The following GPC6 variants were observed in gnomAD, a reference collection of about 807,000 sequenced individuals.
GPC6 encodes glypican-6.
GPC6 carries 14 observed loss-of-function variants against 55.2 expected under a neutral mutation model. The observed-to-expected ratio is 0.25, with a 90% CI of 0.17 to 0.40. GPC6 has a LOEUF of 0.40. Ranked by LOEUF, GPC6 falls within the 10% of genes least tolerant of loss-of-function variation. The pLI is 1.00. For synonymous variants in GPC6, 278 were observed against 259.6 expected, an observed-to-expected ratio of 1.07 and a Z score of -0.68; for missense variants, 641 against 708.5, an observed-to-expected ratio of 0.90 and a Z score of 1.08.
intron 2 of GPC6, among the ~76,000 whole-genome samples, chr13:93,757,864 T>C (rs916880769): frequency 1.3e-5 from 2 of 152,140 alleles, no homozygotes; most frequent in Non-Finnish European, 2.9e-5. Context: ...ATGTGCACCT[T>C]ATATAGGAAA....
rs1881250804 is a variant in GPC6 at position 94,403,672 on chromosome 13, T to C, written c.*455T>C. 4.5e-6 allele frequency: 1 copy of C among 219,922 alleles called. No individual in the cohort carries two copies. The highest frequency in any genetic ancestry group is 2.3e-5 in the African/African-American group (1 of 43,026). The allele number at this position is 219,922 out of a possible 1,614,324, so 13.6% of individuals were successfully genotyped here. ...GAGAAAAATAAATGAACTTTAACACTGTAAGTTCAGCATTGACAGCCAACT... is the reference window on the plus strand; with the variant it reads ...GAGAAAAATAAATGAACTTTAACACCGTAAGTTCAGCATTGACAGCCAACT... On this transcript the variant is annotated 3_prime_UTR_variant, in exon 9 of 9. Coordinates refer to ENST00000377047, the MANE Select transcript of GPC6 (RefSeq NM_005708.5).
intron 6 of GPC6, among the ~76,000 whole-genome samples, chr13:94,314,469 T>G (rs1212459311): frequency 6.6e-6 from 1 of 152,234 alleles, no homozygotes; most frequent in African/African-American, 2.4e-5. Context: ...AAAGTCCATC[T>G]GCGCACTCGT....
intron 4 of GPC6, among the ~76,000 whole-genome samples, chr13:94,067,091 T>G (rs933099243): frequency 6.6e-6 from 1 of 152,214 alleles, no homozygotes; most frequent in Non-Finnish European, 1.5e-5. Context: ...TCACTAGACC[T>G]TCTTTGCGAC....
intron 2 of GPC6, among the ~76,000 whole-genome samples, chr13:93,564,900 T>C (rs534943640): frequency 6.6e-6 from 1 of 152,352 alleles, no homozygotes; most frequent in South Asian, 2.1e-4. Flanking sequence ...TTGTTTTAAA[T>C]ATTTACAAAT....
At chr13:94,253,059 T>C (rs1319609439) in intron 4 of GPC6, among the ~76,000 whole-genome samples, 2 of 152,116 alleles carry the variant, frequency 1.3e-5, no homozygotes, top group African/African-American at 2.4e-5. Flanking sequence ...AATTCAGCGA[T>C]TCTTTCTGCA....
At chr13:93,701,707 T>C (rs572422396) in intron 2 of GPC6, among the ~76,000 whole-genome samples, 2 of 152,160 alleles carry the variant, frequency 1.3e-5, no homozygotes, top group East Asian at 1.9e-4. Context: ...AAATCCTCCA[T>C]TGTCATCTCA....
chr13:93,300,853 C>G (rs1436476864), intron 1 of GPC6, among the ~76,000 whole-genome samples: 1 of 151,232 alleles, frequency 6.6e-6, no homozygotes, highest in East Asian at 2.0e-4. Flanking sequence ...AACTCCATCT[C>G]TACTAAAAAT....
At chr13:94,362,622 A>G (rs941376992) in intron 6 of GPC6, among the ~76,000 whole-genome samples, 1 of 152,176 alleles carries the variant, frequency 6.6e-6, no homozygotes, top group African/African-American at 2.4e-5. Flanking sequence ...ATGCCTGGAG[A>G]CGAGGCTGGA....
chr13:93,381,503 AG>A (rs1436098732), intron 1 of GPC6, among the ~76,000 whole-genome samples: 3 of 152,152 alleles, frequency 2.0e-5, no homozygotes, highest in African/African-American at 7.2e-5. Flanking sequence ...GCTCATATTC[AG>A]GTCTCTGAAA....
At chr13:93,922,878 G>A (rs1178890136) in intron 3 of GPC6, among the ~76,000 whole-genome samples, 1 of 152,038 alleles carries the variant, frequency 6.6e-6, no homozygotes, top group African/African-American at 2.4e-5. Flanking sequence ...AATAGTTGAT[G>A]GCTATGAAAC....
chr13:93,474,679 A>G (rs1179303339), intron 1 of GPC6, among the ~76,000 whole-genome samples: 1 of 151,886 alleles, frequency 6.6e-6, no homozygotes, highest in Non-Finnish European at 1.5e-5. Context: ...CTTCTTCTCT[A>G]CTCTTCCATA....
chr13:93,338,158 CA>C (rs1880111207), intron 1 of GPC6, among the ~76,000 whole-genome samples: 1 of 152,118 alleles, frequency 6.6e-6, no homozygotes, highest in Non-Finnish European at 1.5e-5. Flanking sequence ...CAGCAAGTAA[CA>C]AAACGAGTGA....
At chr13:93,522,707 T>C (rs1438887889) in intron 1 of GPC6, among the ~76,000 whole-genome samples, 1 of 151,906 alleles carries the variant, frequency 6.6e-6, no homozygotes, top group Non-Finnish European at 1.5e-5. Context: ...TGAGTAACTT[T>C]GGCTCTCACT....
chr13:94,292,571 C>A (rs752120375), intron 5 of GPC6, among the ~76,000 whole-genome samples: 1 of 152,008 alleles, frequency 6.6e-6, no homozygotes, highest in Non-Finnish European at 1.5e-5. Flanking sequence ...ATATAAAATT[C>A]TTCTTTCTCT....
chr13:94,386,822 G>A (rs74103912), intron 7 of GPC6, among the ~76,000 whole-genome samples: 3,413 of 152,196 alleles, frequency 0.022, 126 homozygotes, highest in African/African-American at 0.078. Context: ...CGCTCCTGCA[G>A]CCTTTTGTCC....
At chr13:93,878,836 A>G (rs1874769516) in intron 3 of GPC6, among the ~76,000 whole-genome samples, 1 of 152,094 alleles carries the variant, frequency 6.6e-6, no homozygotes, top group Non-Finnish European at 1.5e-5. Context: ...TTGTTTATAA[A>G]TTACCCTGTT....
At chr13:93,571,409 T>G (rs189158387) in intron 2 of GPC6, among the ~76,000 whole-genome samples, 27 of 152,302 alleles carry the variant, frequency 1.8e-4, no homozygotes, top group Admixed American at 1.1e-3. Flanking sequence ...TTATCTCAGC[T>G]GAAATTGGTT....
chr13:94,168,392 TG>T (rs2138925200), intron 4 of GPC6, among the ~76,000 whole-genome samples: 1 of 152,318 alleles, frequency 6.6e-6, no homozygotes, highest in South Asian at 2.1e-4. Context: ...ACAGTCCAGG[TG>T]GGGGTGGAGC....
intron 1 of GPC6, among the ~76,000 whole-genome samples, chr13:93,482,847 G>A (rs1024652100): frequency 1.6e-4 from 24 of 152,082 alleles, no homozygotes; most frequent in Admixed American, 1.2e-3. Flanking sequence ...TTCATTTTAC[G>A]CAATTTACCA....
Sources: allele counts gnomAD v4.1 joint callset (sites outside exome capture counted in the v4.1 genomes callset), GRCh38; gene constraint gnomAD v4.1.1; transcripts MANE v1.5; gene names NCBI Gene and HGNC (gene_info 2026-07-23, HGNC 2026-07-21).